RFC4: variants seen among roughly 807,000 people sequenced by gnomAD.
RFC4 encodes replication factor C subunit 4.
RFC4 carries 38 observed loss-of-function variants against 47.6 expected under a neutral mutation model. The observed-to-expected ratio is 0.80, with a 90% confidence interval of 0.62 to 1.05. The LOEUF (loss-of-function observed/expected upper bound fraction) is 1.05. RFC4 is among the 50% of genes least tolerant of loss of function. The pLI is 0.00. For missense variants in RFC4, 489 were observed against 434.0 expected (o/e 1.13, Z -1.13); for synonymous variants, 164 against 150.0 (o/e 1.09, Z -0.68).
At chr3:186,792,999 A>G (rs748064432) in intron 5 of RFC4, 52 bp from the exon 6 acceptor site, 1 of 1,493,180 alleles carries the variant, frequency 6.7e-7, no homozygotes, top group South Asian at 1.2e-5. Context: ...TATTGGTTTT[A>G]ACAGCTTTGT....
chr3:186,794,852 T>C lies in RFC4; in HGVS notation c.291-75A>G, dbSNP rs565829317. On this transcript the variant is annotated intron_variant, in intron 4 of 10. Transcript: ENST00000296273. Reference sequence around the variant, plus strand: ...ATCACATTTTAACATTTGCACACTTTGCAGACGTTTAAAATCCACCTAGTA... The same window carrying C: ...ATCACATTTTAACATTTGCACACTTCGCAGACGTTTAAAATCCACCTAGTA... The C allele has an allele frequency of 1.8e-5, 27 of 1,528,778 alleles. No homozygotes were observed. In the African/African-American group the frequency reaches 3.6e-4, roughly 20 times the overall value. The allele number at this position is 1,528,778 out of a possible 1,614,324, so 94.7% of individuals were successfully genotyped here.
chr3:186,803,942 G>A (rs1033523512), intron 2 of RFC4, among the ~76,000 whole-genome samples: 3 of 152,112 alleles, frequency 2.0e-5, no homozygotes, highest in African/African-American at 7.2e-5. Flanking sequence ...AGCACTTTGG[G>A]AAGCCAAGGC....
intron 10 of RFC4, 33 bp downstream of exon 10, chr3:186,790,109 T>C (rs1387183469): frequency 6.2e-7 from 1 of 1,604,084 alleles, no homozygotes; most frequent in Non-Finnish European, 8.5e-7. Flanking sequence ...GGTAGTTAAA[T>C]GTTCCATTGA....
At chr3:186,803,169 C>T (rs1459558872) in intron 2 of RFC4, among the ~76,000 whole-genome samples, 1 of 152,090 alleles carries the variant, frequency 6.6e-6, no homozygotes, top group Non-Finnish European at 1.5e-5. Context: ...ACGATGAAAC[C>T]TTGTCTCTAT....
In RFC4 at chr3:186,796,705, C is replaced by A. The variant is rs1722250609; in HGVS notation, c.290+830G>T. Among the ~76,000 whole-genome samples the A allele has an allele frequency of 6.6e-6, 1 of 152,190 alleles. No homozygotes were observed. Among genetic ancestry groups the A allele is most frequent in the Non-Finnish European group, 1.5e-5 (1 of 68,034 alleles). ...ATGTTGGCCAGGCTGGTTTCGAACT[C>A]CTCACCCCAGGTGATCCACCTGCCT... On this transcript the variant is annotated intron_variant, in intron 4 of 10. Coordinates refer to ENST00000296273, the MANE Select transcript of RFC4 (RefSeq NM_002916.5). This position sits in a 1 kb window ranked among gnomAD's most constrained non-coding sequence, Gnocchi z 4.2.
chr3:186,804,580 T>C lies in RFC4; in HGVS notation c.131+3A>G. On this transcript the variant is annotated splice_donor_region_variant and intron_variant, in intron 2 of 10. Transcript: ENST00000296273. Reference sequence around the variant, plus strand: ...ATTTTAACAAAGACACAAGTGTTCTTACTATTTTTCCACCCAGGGAACGGG... The same window carrying C: ...ATTTTAACAAAGACACAAGTGTTCTCACTATTTTTCCACCCAGGGAACGGG... 1 of 1,613,878 alleles carries C rather than the reference T, an allele frequency of 6.2e-7. No homozygotes were observed. Among genetic ancestry groups the C allele is most frequent in the Non-Finnish European group, 8.5e-7 (1 of 1,179,836 alleles).
rs369405043 is a variant in RFC4, at chr3:186,792,938, C to T, written c.420G>A (p.Pro140=). 1.6e-5 allele frequency: 25 copies of T among 1,611,956 alleles called. No individual in the cohort carries two copies. The highest frequency in any genetic ancestry group is 1.6e-4 in the Middle Eastern group (1 of 6,076). ...GAATCACAATCTTAAAAGGCGGACACGGCTTCCCACTGATTCAGAGAAACA... is the reference window on the plus strand; with the variant it reads ...GAATCACAATCTTAAAAGGCGGACATGGCTTCCCACTGATTCAGAGAAACA... ...TVSGSRSDGK[P]CPPFKIVILD... is the part of the protein sequence containing the mutation. The change falls in exon 6 of 11, where the codon CCG becomes CCA. Residue 140 remains proline (P), a synonymous_variant. Coordinates refer to ENST00000296273, the MANE Select transcript of RFC4 (RefSeq NM_002916.5).
At position 186,793,050 on chromosome 3, in the gene RFC4, T is replaced by A. The variant is rs998934899; in HGVS notation, c.411-103A>T. 1.1e-6 allele frequency: 1 copy of A among 949,610 alleles called. No homozygotes were observed. The highest frequency in any genetic ancestry group is 1.5e-6 in the Non-Finnish European group (1 of 652,436). 58.8% of individuals were successfully genotyped at this position (949,610 alleles called of 1,614,324 possible). On this transcript the variant is annotated intron_variant, in intron 5 of 10. Transcript: ENST00000296273. This position sits in a 1 kb window ranked among gnomAD's most constrained non-coding sequence, Gnocchi z 4.2. ...CCATACAATTCACCCATTTAAAATG[T>A]ACAATTCAGTGTTTTTCTGTATGTT...
rs1722243063 is a variant in RFC4, at chr3:186,796,282, G to A, written c.290+1253C>T. The stretch of plus-strand genomic sequence containing the variant: ...TATAATCTGGACTGACCTACTCTAA[G>A]TAATAATAAACAACTGTTAAGGCTG... On this transcript the variant is annotated intron_variant, in intron 4 of 10. Coordinates refer to ENST00000296273, the MANE Select transcript of RFC4 (RefSeq NM_002916.5). This position sits in a 1 kb window ranked among gnomAD's most constrained non-coding sequence, Gnocchi z 4.2. Among the ~76,000 whole-genome samples the A allele has an allele frequency of 1.3e-5, 2 of 152,294 alleles. No individual in the cohort carries two copies. Among genetic ancestry groups the A allele is most frequent in the African/African-American group, 4.8e-5 (2 of 41,574 alleles).
At chr3:186,792,100 C>T (rs376927840) in intron 7 of RFC4, among the ~76,000 whole-genome samples, 2 of 152,026 alleles carry the variant, frequency 1.3e-5, no homozygotes, top group Non-Finnish European at 2.9e-5. Context: ...TTCTTGCTCA[C>T]GTAAAGCAAA....
chr3:186,792,635 T>G (rs930569095), intron 6 of RFC4, 25 bp from the exon 7 acceptor site: 1 of 1,598,372 alleles, frequency 6.3e-7, no homozygotes, highest in Admixed American at 1.7e-5. Context: ...AAAAACCAAG[T>G]TGGTGTCTAA....
intron 8 of RFC4, 39 bp downstream of exon 8, chr3:186,791,686 G>GCCAACT: frequency 6.2e-7 from 1 of 1,602,120 alleles, no homozygotes; most frequent in African/African-American, 1.3e-5. Flanking sequence ...CCACAAAAAA[G>GCCAACT]CCAACTAAAA....
At position 186,790,312 on chromosome 3, in the gene RFC4, T is replaced by A; in HGVS notation, c.882+14A>T. On this transcript the variant is annotated intron_variant, in intron 9 of 10. Transcript: ENST00000296273. ...TTAATATTCCTTTCCCCAAAGTTAG[T>A]AAGCTGACTTTACCTTGACCACAGC... 6.2e-7 allele frequency: 1 copy of A among 1,611,064 alleles called. No individual in the cohort carries two copies. The highest frequency in any genetic ancestry group is 2.2e-5 in the East Asian group (1 of 44,876).
rs1412017976 is a variant in RFC4 at position 186,804,618 on chromosome 3, G to A, written c.96C>T (p.Asn32=). 10 of 1,613,768 alleles carry A rather than the reference G, an allele frequency of 6.2e-6. No homozygotes were observed. Among genetic ancestry groups the A allele is most frequent in the Non-Finnish European group, 5.9e-6 (7 of 1,179,994 alleles). The change falls in exon 2 of 11, where the codon AAC becomes AAT. Residue 32 remains asparagine, a synonymous_variant. Transcript: ENST00000296273. The stretch of plus-strand genomic sequence containing the variant: ...CCCAGGGAACGGGTTTGGCTTTCTT[G>A]TTCTCTCCGCTACTTCCCGCACTGG... The part of the protein sequence containing the change: ...VAASAGSSGE[N]KKAKPVPWVE...
Position 186,794,715 on chromosome 3 carries a change from A to G in RFC4, c.353T>C (p.Val118Ala). The change falls in exon 5 of 11, where the codon GTA becomes GCA. Residue 118 changes from valine to alanine, a missense_variant. By Grantham distance (64) the Val-to-Ala change is moderately conservative (BLOSUM62 0). Around this residue, in one of 2 missense-constraint regions of RFC4, gnomAD observed 206 missense variants for 257.8 expected, o/e 0.80. Coordinates refer to ENST00000296273, the MANE Select transcript of RFC4 (RefSeq NM_002916.5). Reference sequence around the variant, plus strand: ...AAAATTTTTCACTTTCTCTCGAACTACTTGTATTCCACGTTCATCAGATGC... The same window carrying G: ...AAAATTTTTCACTTTCTCTCGAACTGCTTGTATTCCACGTTCATCAGATGC... Reference protein sequence around the residue: ...LNASDERGIQVVREKVKNFAQ... With the variant: ...LNASDERGIQAVREKVKNFAQ... The G allele has an allele frequency of 6.2e-7, 1 of 1,614,032 alleles. No homozygotes were observed. Among genetic ancestry groups the G allele is most frequent in the Non-Finnish European group, 8.5e-7 (1 of 1,179,906 alleles).
intron 2 of RFC4, among the ~76,000 whole-genome samples, chr3:186,802,090 C>T (rs538812897): frequency 1.3e-5 from 2 of 150,612 alleles, no homozygotes; most frequent in South Asian, 2.1e-4. Flanking sequence ...TGGCCGGATG[C>T]GGTGGCTCAC....
chr3:186,804,652 C>T lies in RFC4; in HGVS notation c.62G>A (p.Gly21Glu), dbSNP rs746161401. Residue 21 changes from glycine to glutamate, a missense_variant, in exon 2 of 11, where the codon GGA (glycine) becomes GAA (glutamate). Physicochemically the swap from Gly to Glu is moderately conservative, Grantham distance 98. Coordinates refer to ENST00000296273, the MANE Select transcript of RFC4 (RefSeq NM_002916.5). ...GCTACTTCCCGCACTGGCAGCTACT[C>T]CTCGATCCTTGGTCAGCGGGGGTTT... ...STKPPLTKDR[G>E]VAASAGSSGE... The T allele has an allele frequency of 6.2e-7, 1 of 1,614,122 alleles. No homozygotes were observed. Among genetic ancestry groups the T allele is most frequent in the Non-Finnish European group, 8.5e-7 (1 of 1,180,036 alleles).
At chr3:186,805,365 T>G (rs1012427342) in intron 1 of RFC4, among the ~76,000 whole-genome samples, 8 of 152,054 alleles carry the variant, frequency 5.3e-5, no homozygotes, top group Non-Finnish European at 5.9e-5. Flanking sequence ...GGACTACAGG[T>G]GCGTGCCACC....
chr3:186,790,599 G>GT (rs1394382604), intron 8 of RFC4, among the ~76,000 whole-genome samples, 193 bp from the exon 9 acceptor site: 5 of 150,802 alleles, frequency 3.3e-5, no homozygotes, highest in Admixed American at 2.6e-4. Flanking sequence ...GCTAACAACT[G>GT]TGCTTTTAAA....
Sources: allele counts gnomAD v4.1 joint callset (sites outside exome capture counted in the v4.1 genomes callset), GRCh38; gene constraint gnomAD v4.1.1; regional missense constraint gnomAD v4.1.1; non-coding constraint Gnocchi (gnomAD v3.1); transcripts MANE v1.5; gene names NCBI Gene and HGNC (gene_info 2026-07-23, HGNC 2026-07-21).